Variants in BNC2 observed in about 807,000 individuals in gnomAD.
BNC2 encodes the protein zinc finger protein basonuclin-2.
Under a neutral mutation model 76.3 loss-of-function variants are expected in BNC2, and 20 were observed. The ratio of observed to expected loss-of-function variants is 0.26; its 90% confidence interval spans 0.18 to 0.38. The LOEUF is 0.38. BNC2 is among the 10% of genes least tolerant of loss of function. The pLI, the probability that BNC2 is intolerant of heterozygous loss-of-function variation, is 1.00. For missense variants in BNC2, 1,382 were observed against 1,399.8 expected, an observed-to-expected ratio of 0.99 and a Z score of 0.20; for synonymous variants, 582 against 514.8, an observed-to-expected ratio of 1.13 and a Z score of -1.77.
intron 3 of BNC2, among the ~76,000 whole-genome samples, chr9:16,684,935 C>G (rs1285133874): frequency 1.3e-5 from 2 of 152,114 alleles, no homozygotes; most frequent in Non-Finnish European, 2.9e-5. Context: ...CTAATATACT[C>G]CTATTACACC....
intron 3 of BNC2, among the ~76,000 whole-genome samples, chr9:16,706,318 T>C (rs1387993176): frequency 2.0e-5 from 3 of 152,220 alleles, no homozygotes; most frequent in Non-Finnish European, 2.9e-5. Context: ...TCTTGTCCAA[T>C]TGTTTTATTA....
At chr9:16,526,039 G>A (rs1462297614) in intron 5 of BNC2, among the ~76,000 whole-genome samples, 1 of 151,754 alleles carries the variant, frequency 6.6e-6, no homozygotes, top group Non-Finnish European at 1.5e-5. Flanking sequence ...CTGTATATAA[G>A]TTCCTACAGA....
At chr9:16,620,761 T>G (rs961317495) in intron 3 of BNC2, among the ~76,000 whole-genome samples, 1 of 152,220 alleles carries the variant, frequency 6.6e-6, no homozygotes, top group Non-Finnish European at 1.5e-5. Flanking sequence ...CTGATCATTC[T>G]GAAAACAATT....
chr9:16,663,369 C>T (rs561197569), intron 3 of BNC2, among the ~76,000 whole-genome samples: 55 of 152,002 alleles, frequency 3.6e-4, no homozygotes, highest in Non-Finnish European at 5.7e-4. Context: ...ACCTCATGAT[C>T]CACTGGCCTC....
chr9:16,720,823 C>T (rs979218931), intron 3 of BNC2, among the ~76,000 whole-genome samples: 5 of 152,062 alleles, frequency 3.3e-5, no homozygotes, highest in African/African-American at 1.2e-4. Context: ...AAACATACAG[C>T]GATTCCTCTC....
intron 1 of BNC2, among the ~76,000 whole-genome samples, chr9:16,810,599 G>C (rs1483220105): frequency 6.6e-6 from 1 of 152,224 alleles, no homozygotes; most frequent in Non-Finnish European, 1.5e-5. Flanking sequence ...TTCTCAAACT[G>C]CAGGTCACAG....
chr9:16,808,391 A>C (rs1284302289), intron 1 of BNC2, among the ~76,000 whole-genome samples: 8 of 150,362 alleles, frequency 5.3e-5, no homozygotes. Flanking sequence ...TTAGAGGTAG[A>C]GGCTAACAGC....
chr9:16,423,862 A>G (rs1438617410), intron 6 of BNC2, among the ~76,000 whole-genome samples: 2 of 152,192 alleles, frequency 1.3e-5, no homozygotes, highest in Non-Finnish European at 2.9e-5. Flanking sequence ...TATACTGTGA[A>G]TCTACCAAAA....
chr9:16,481,181 G>A (rs1340568777), intron 5 of BNC2, among the ~76,000 whole-genome samples: 5 of 152,166 alleles, frequency 3.3e-5, no homozygotes, highest in African/African-American at 1.2e-4. Flanking sequence ...GAACCTTTGT[G>A]TCTAGCTCAG....
chr9:16,455,045 A>G (rs1410992014), intron 5 of BNC2, among the ~76,000 whole-genome samples: 1 of 152,196 alleles, frequency 6.6e-6, no homozygotes, highest in Non-Finnish European at 1.5e-5. Flanking sequence ...TGCAGGGACT[A>G]GAGACTAAGT....
At chr9:16,528,832 T>G (rs1817890873) in intron 5 of BNC2, among the ~76,000 whole-genome samples, 1 of 152,194 alleles carries the variant, frequency 6.6e-6, no homozygotes, top group Admixed American at 6.5e-5. Flanking sequence ...CTCTCTATAC[T>G]AACGTGGAAA....
At chr9:16,867,862 T>C (rs1168423987) in intron 1 of BNC2, 3 of 152,130 alleles carry the variant, frequency 2.0e-5, no homozygotes, top group African/African-American at 4.8e-5. Context: ...ATGAGAAAAC[T>C]GTGGGGACAG....
chr9:16,727,540 G>GA (rs1824375500), intron 3 of BNC2: 2 of 501,326 alleles, frequency 4.0e-6, no homozygotes, highest in South Asian at 5.5e-5. Context: ...ATTGTACTGT[G>GA]AAACTTTTCA....
chr9:16,479,501 T>C (rs1483625391), intron 5 of BNC2, among the ~76,000 whole-genome samples: 1 of 152,200 alleles, frequency 6.6e-6, no homozygotes, highest in Non-Finnish European at 1.5e-5. Context: ...ATTTTATTAT[T>C]AAAATTTTCA....
intron 5 of BNC2, among the ~76,000 whole-genome samples, chr9:16,545,794 C>T (rs182957997): frequency 6.6e-6 from 1 of 152,160 alleles, no homozygotes; most frequent in Admixed American, 6.5e-5. Context: ...AAATATCCCA[C>T]AGAGAACCTT....
chr9:16,847,396 CG>C (rs200844827), intron 1 of BNC2, among the ~76,000 whole-genome samples: 1 of 20,058 alleles, frequency 5.0e-5, no homozygotes, highest in Non-Finnish European at 1.5e-4. Flanking sequence ...GAAGATTTCT[CG>C]GGGCGGGGGG....
intron 3 of BNC2, among the ~76,000 whole-genome samples, chr9:16,678,991 T>G (rs576898243): frequency 6.6e-6 from 1 of 152,302 alleles, no homozygotes; most frequent in African/African-American, 2.4e-5. Flanking sequence ...GAAAACAACA[T>G]GGATGGGCCC....
chr9:16,514,302 C>T (rs146661526), intron 5 of BNC2, among the ~76,000 whole-genome samples: 1 of 152,204 alleles, frequency 6.6e-6, no homozygotes, highest in African/African-American at 2.4e-5. Flanking sequence ...AATAAATGTA[C>T]TCTCTACCAT....
intron 5 of BNC2, among the ~76,000 whole-genome samples, chr9:16,522,728 C>T (rs1175021139): frequency 6.6e-6 from 1 of 152,096 alleles, no homozygotes; most frequent in Non-Finnish European, 1.5e-5. Context: ...CAACAGAAGG[C>T]AACTAAGTCA....
Sources: allele counts gnomAD v4.1 joint callset (sites outside exome capture counted in the v4.1 genomes callset), GRCh38; gene constraint gnomAD v4.1.1; transcripts MANE v1.5; gene names NCBI Gene and HGNC (gene_info 2026-07-23, HGNC 2026-07-21).